The following ABCC1 variants were observed in gnomAD, a reference collection of about 807,000 sequenced individuals.
The protein encoded by ABCC1 is multidrug resistance-associated protein 1.
In ABCC1, 83 loss-of-function variants were observed where a neutral mutation model predicts 172.9. That is an observed-to-expected ratio of 0.48 (90% CI 0.40 to 0.58). ABCC1 has a LOEUF of 0.58. Among genes scored for constraint, ABCC1 ranks in the 20% least tolerant of loss-of-function variants. The probability of loss-of-function intolerance (pLI) is 0.00; values close to 1 mark genes in which losing one functional copy is unlikely to be tolerated. For synonymous variants in ABCC1, 937 were observed against 825.2 expected, an observed-to-expected ratio of 1.14 and a Z score of -2.32; for missense variants, 1,817 against 2,002.7, an observed-to-expected ratio of 0.91 and a Z score of 1.77.
At chr16:16,067,510 T>C (rs1283167573) in intron 12 of ABCC1, among the ~76,000 whole-genome samples, 1 of 152,126 alleles carries the variant, frequency 6.6e-6, no homozygotes, top group Non-Finnish European at 1.5e-5. Context: ...ACACCCTACA[T>C]AAGTGCCAAC....
chr16:16,072,574 G>C (rs143486341), intron 14 of ABCC1, among the ~76,000 whole-genome samples: 318 of 148,672 alleles, frequency 2.1e-3, no homozygotes, highest in Middle Eastern at 0.014. Flanking sequence ...CTGGGCTCAA[G>C]GATCCCTCTG....
rs45510493 is a variant in ABCC1 at position 16,044,214 on chromosome 16, C to T, written c.810-236C>T. Among the ~76,000 whole-genome samples the T allele has an allele frequency of 5.5e-3, 831 of 152,350 alleles. 12 individuals carry two copies. Among genetic ancestry groups the T allele is most frequent in the African/African-American group, 0.019 (793 of 41,590 alleles). The stretch of plus-strand genomic sequence containing the variant: ...AACTGAGGCCCAGAGAGCTTAAGGA[C>T]CTTGTCTGAAGTCACGCAGCTGGCC... On this transcript the variant is annotated intron_variant, in intron 7 of 30. Transcript: ENST00000399410.
intron 18 of ABCC1, among the ~76,000 whole-genome samples, chr16:16,087,383 A>G (rs1231392906): frequency 6.6e-6 from 1 of 152,152 alleles, no homozygotes; most frequent in Non-Finnish European, 1.5e-5. Flanking sequence ...CCTTAACATA[A>G]TAGGAAATAG....
rs1406999078 is a variant in ABCC1 at position 15,949,630 on chromosome 16, C to CGCCGCCGCCGCCAGCGCT, written c.-119_-118insGCCGCCGCCAGCGCTGCC. 3.0e-6 allele frequency: 2 copies of CGCCGCCGCCGCCAGCGCT among 677,880 alleles called. No homozygotes were observed. The highest frequency in any genetic ancestry group is 3.9e-5 in the African/African-American group (2 of 51,190). The allele number at this position is 677,880 out of a possible 1,614,324, so 42.0% of individuals were successfully genotyped here. On this transcript the variant is annotated 5_prime_UTR_variant, in exon 1 of 31. Transcript: ENST00000399410. ...CTCCCTGCGCCGCCGCCGCCGCCGC[C>CGCCGCCGCCGCCAGCGCT]GCCAGCGCTAGCGCCAGCAGCCGGG...
intron 1 of ABCC1, among the ~76,000 whole-genome samples, chr16:16,004,417 A>T (rs1315696927): frequency 6.6e-6 from 1 of 152,192 alleles, no homozygotes; most frequent in East Asian, 1.9e-4. Flanking sequence ...TCTGTATATA[A>T]TGACCACCAA....
chr16:16,037,436 C>G (rs1308947639), intron 7 of ABCC1, among the ~76,000 whole-genome samples: 2 of 152,176 alleles, frequency 1.3e-5, no homozygotes, highest in Non-Finnish European at 2.9e-5. Flanking sequence ...CTCATCAAAT[C>G]TGAGACACCA....
chr16:15,984,680 G>A (rs1239210702), intron 1 of ABCC1, among the ~76,000 whole-genome samples: 1 of 151,900 alleles, frequency 6.6e-6, no homozygotes, highest in African/African-American at 2.4e-5. Flanking sequence ...CCCTGACCTC[G>A]TGATCTGCCC....
chr16:16,117,876 A>G (rs1031276569), intron 23 of ABCC1, among the ~76,000 whole-genome samples: 2 of 152,226 alleles, frequency 1.3e-5, no homozygotes, highest in African/African-American at 4.8e-5. Flanking sequence ...ACTGCAATCC[A>G]GCCTGGGCAA....
chr16:16,088,999 G>A (rs1303548191), intron 18 of ABCC1, among the ~76,000 whole-genome samples: 1 of 152,126 alleles, frequency 6.6e-6, no homozygotes, highest in Non-Finnish European at 1.5e-5. Flanking sequence ...GTGAGCCACC[G>A]CACGTGTCCT....
chr16:16,017,416 CTTTTA>C (rs1224647675), intron 5 of ABCC1, among the ~76,000 whole-genome samples: 1 of 151,766 alleles, frequency 6.6e-6, no homozygotes, highest in African/African-American at 2.4e-5. Context: ...CTTTCTTCAA[CTTTTA>C]TTTTAAGTTC....
At chr16:16,021,643 G>T (rs1242633686) in intron 5 of ABCC1, among the ~76,000 whole-genome samples, 2 of 152,190 alleles carry the variant, frequency 1.3e-5, no homozygotes, top group East Asian at 1.9e-4. Flanking sequence ...CTTGTGCCCG[G>T]GAGGCGGAGG....
chr16:16,026,453 A>AG (rs1334333857), intron 5 of ABCC1, among the ~76,000 whole-genome samples: 1 of 127,994 alleles, frequency 7.8e-6, no homozygotes, highest in Non-Finnish European at 1.7e-5. Context: ...AAAAAAAAAA[A>AG]AAGGCTATTT....
At chr16:15,958,853 C>T (rs557078833) in intron 1 of ABCC1, among the ~76,000 whole-genome samples, 2 of 152,092 alleles carry the variant, frequency 1.3e-5, no homozygotes, top group Admixed American at 6.5e-5. Context: ...GTGTCGGCCC[C>T]GTTGACATGT....
At chr16:16,008,429 A>T (rs575913127) in intron 2 of ABCC1, among the ~76,000 whole-genome samples, 263 of 151,476 alleles carry the variant, frequency 1.7e-3, no homozygotes, top group African/African-American at 6.1e-3. Context: ...GGTCTTGAAC[A>T]CCTGGCCTCA....
At position 16,009,874 on chromosome 16, in the gene ABCC1, C is replaced by T; in HGVS notation, c.324C>T (p.Val108=). ...RGIFLAPVFL[V]SPTLLGITML... ...TATTCCTGGCCCCAGTGTTTCTGGT[C>T]AGCCCAACTCTCTTGGGCATCACCA... The change falls in exon 3 of 31, where the codon GTC becomes GTT. Residue 108 remains valine (V), a synonymous_variant. Coordinates refer to ENST00000399410, the MANE Select transcript of ABCC1 (RefSeq NM_004996.4). The T allele has an allele frequency of 1.9e-6, 3 of 1,610,388 alleles. No homozygotes were observed. Among genetic ancestry groups the T allele is most frequent in the Non-Finnish European group, 2.5e-6 (3 of 1,178,562 alleles).
chr16:16,081,088 G>A (rs543947778), intron 16 of ABCC1, among the ~76,000 whole-genome samples: 154 of 152,278 alleles, frequency 1.0e-3, no homozygotes, highest in African/African-American at 3.4e-3. Context: ...GGGTAGTCTA[G>A]AACTCCTAAC....
At chr16:16,071,128 G>C (rs965225291) in intron 13 of ABCC1, among the ~76,000 whole-genome samples, 1 of 151,986 alleles carries the variant, frequency 6.6e-6, no homozygotes, top group Non-Finnish European at 1.5e-5. Flanking sequence ...CTGTCACCCA[G>C]GCTGGAGTGC....
chr16:16,053,555 A>C (rs2049518241), intron 11 of ABCC1, among the ~76,000 whole-genome samples: 1 of 152,080 alleles, frequency 6.6e-6, no homozygotes, highest in African/African-American at 2.4e-5. Context: ...TGGGAGGCCA[A>C]GGTGGGTGGA....
chr16:15,966,076 A>G (rs1032329779), intron 1 of ABCC1, among the ~76,000 whole-genome samples: 1 of 152,050 alleles, frequency 6.6e-6, no homozygotes, highest in African/African-American at 2.4e-5. Flanking sequence ...GTCTAAGGTT[A>G]CTTACTGCTG....
Sources: allele counts gnomAD v4.1 joint callset (sites outside exome capture counted in the v4.1 genomes callset), GRCh38; gene constraint gnomAD v4.1.1; transcripts MANE v1.5; gene names NCBI Gene and HGNC (gene_info 2026-07-23, HGNC 2026-07-21).